F8: variants seen among roughly 807,000 people sequenced by gnomAD.
F8 encodes coagulation factor VIII, also known as antihemophilic factor.
In F8, 12 loss-of-function variants were observed where a neutral mutation model predicts 140.6. The observed-to-expected ratio is 0.09, with a 90% CI of 0.05 to 0.14. The LOEUF (loss-of-function observed/expected upper bound fraction) is 0.14. F8 is among the 10% of genes least tolerant of loss of function. The probability of loss-of-function intolerance (pLI) is 1.00; values close to 1 mark genes in which losing one functional copy is unlikely to be tolerated. For synonymous variants in F8, 585 were observed against 614.6 expected, an observed-to-expected ratio of 0.95 and a Z score of 0.71; for missense variants, 1,354 against 1,720.7, an observed-to-expected ratio of 0.79 and a Z score of 3.77.
intron 22 of F8, among the ~76,000 whole-genome samples, chrX:154,890,680 A>C (rs1398794711): frequency 8.9e-6 from 1 of 112,460 alleles, no homozygotes; most frequent in Non-Finnish European, 1.9e-5. Flanking sequence ...TAATGTGCAC[A>C]TTTGCAGACA....
At chrX:154,858,118 A>C in intron 25 of F8, among the ~76,000 whole-genome samples, 1 of 112,232 alleles carries the variant, frequency 8.9e-6, no homozygotes, top group East Asian at 2.8e-4. Flanking sequence ...CAGCCTGGGC[A>C]ACAGAGCAAG....
At chrX:154,924,255 C>A (rs1449402562) in intron 14 of F8, among the ~76,000 whole-genome samples, 4 of 111,976 alleles carry the variant, frequency 3.6e-5, no homozygotes, top group Non-Finnish European at 5.6e-5. Flanking sequence ...GACTTTGGAA[C>A]TGGGTAACAG....
chrX:154,931,389 T>C lies in F8; in HGVS notation c.2401A>G (p.Ile801Val). Residue 801 changes from isoleucine to valine, a missense_variant, in exon 14 of 26, where the codon ATA becomes GTA. Physicochemically the swap from Ile to Val is conservative, Grantham distance 29. Coordinates refer to ENST00000360256, the MANE Select transcript of F8 (RefSeq NM_000132.4). ...WFAHRTPMPK[I>V]QNVSSSDLLM... Reference sequence around the variant, plus strand: ...AAATCACTAGAGGAGACATTTTGTATTTTAGGCATAGGTGTTCTGTGTGCA... The same window carrying C: ...AAATCACTAGAGGAGACATTTTGTACTTTAGGCATAGGTGTTCTGTGTGCA... The C allele has an allele frequency of 4.1e-6, 5 of 1,211,118 alleles. No individual in the cohort carries two copies. Among genetic ancestry groups the C allele is most frequent in the Non-Finnish European group, 5.6e-6 (5 of 894,820 alleles).
chrX:154,863,939 C>T (rs1383443879), intron 22 of F8, among the ~76,000 whole-genome samples: 3 of 111,283 alleles, frequency 2.7e-5, no homozygotes, highest in Non-Finnish European at 5.7e-5. Flanking sequence ...TAACAGGGCT[C>T]CCAACTGTGG....
Position 154,904,784 on chromosome X carries a change from T to G in F8, c.5586+27A>C, listed in dbSNP as rs2073029174. 8 of 1,181,139 alleles carry G rather than the reference T, an allele frequency of 6.8e-6. No individual in the cohort carries two copies. The Middle Eastern group carries it at 7.0e-4, about 103-fold the overall frequency. ...AGACCATTTCTTTTAAACCAAAAAGTGGTCAGCACAATAGACACCTGCTTA... is the reference window on the plus strand; with the variant it reads ...AGACCATTTCTTTTAAACCAAAAAGGGGTCAGCACAATAGACACCTGCTTA... On this transcript the variant is annotated intron_variant, in intron 16 of 25. Transcript: ENST00000360256.
At chrX:154,941,556 C>T (rs2073264448) in intron 13 of F8, among the ~76,000 whole-genome samples, 1 of 110,994 alleles carries the variant, frequency 9.0e-6, no homozygotes, top group Non-Finnish European at 1.9e-5. Context: ...GACTCCCACA[C>T]AATAATAATG....
chrX:154,966,574 C>T lies in F8; in HGVS notation c.1123G>A (p.Asp375Asn). 8.3e-7 allele frequency: 1 copy of T among 1,211,460 alleles called. No individual in the cohort carries two copies. Among genetic ancestry groups the T allele is most frequent in the Non-Finnish European group, 1.1e-6 (1 of 895,379 alleles). Residue 375 changes from aspartate (D) to asparagine (N), a missense_variant, in exon 8 of 26, where the codon GAT becomes AAT. By Grantham distance (23) the Asp-to-Asn change is conservative. This residue lies in a region of F8 where 252 missense variants were observed against 338.5 expected (regional missense o/e 0.74). Transcript: ENST00000360256. Reference protein sequence around the residue: ...YDDDLTDSEMDVVRFDDDNSP... With the variant: ...YDDDLTDSEMNVVRFDDDNSP... ...TTGTCATCATCAAACCTGACCACAT[C>T]CATTTCAGAATCAGTAAGATCATCA...
At chrX:154,847,690 CT>C (rs1171623439) in intron 25 of F8, among the ~76,000 whole-genome samples, 31 of 101,814 alleles carry the variant, frequency 3.0e-4, no homozygotes, top group African/African-American at 1.0e-3. Flanking sequence ...TTCATCTAAC[CT>C]TTTTTTTCAA....
At chrX:154,845,422 T>C (rs1422134748) in intron 25 of F8, among the ~76,000 whole-genome samples, 1 of 111,844 alleles carries the variant, frequency 8.9e-6, no homozygotes, top group Non-Finnish European at 1.9e-5. Flanking sequence ...CGTCTGGTCC[T>C]GGACTTTTTT....
At chrX:154,843,049 T>C (rs1432036052) in intron 25 of F8, among the ~76,000 whole-genome samples, 1 of 111,727 alleles carries the variant, frequency 9.0e-6, no homozygotes, top group Non-Finnish European at 1.9e-5. Context: ...ATGCGGTGTT[T>C]GGTTTTTTGT....
intron 9 of F8, among the ~76,000 whole-genome samples, chrX:154,961,798 C>T (rs782622206): frequency 2.4e-4 from 27 of 110,760 alleles, no homozygotes; most frequent in Non-Finnish European, 4.9e-4. Flanking sequence ...CCTAATCTGC[C>T]GTTAGACTTT....
chrX:155,013,487 C>T (rs180747601), intron 1 of F8, among the ~76,000 whole-genome samples: 35 of 111,856 alleles, frequency 3.1e-4, no homozygotes, highest in African/African-American at 1.1e-3. Flanking sequence ...TCCATTAAAT[C>T]TCTTTCCTTT....
chrX:154,916,862 T>A (rs782635959), intron 14 of F8, among the ~76,000 whole-genome samples: 31 of 111,374 alleles, frequency 2.8e-4, no homozygotes, highest in African/African-American at 9.7e-4. Flanking sequence ...TTTTTCTATG[T>A]CCTTGAGTTA....
At chrX:154,860,791 C>T (rs1291867453) in intron 24 of F8, among the ~76,000 whole-genome samples, 183 bp from the exon 25 acceptor site, 3 of 111,890 alleles carry the variant, frequency 2.7e-5, no homozygotes, top group African/African-American at 6.5e-5. Flanking sequence ...CTCTGCCTCC[C>T]GAGTTCAACC....
intron 23 of F8, among the ~76,000 whole-genome samples, chrX:154,862,649 T>A (rs1289331422): frequency 2.7e-5 from 3 of 111,942 alleles, no homozygotes; most frequent in Non-Finnish European, 3.8e-5. Context: ...TGGTTTTCTG[T>A]TCCTGCATTA....
At chrX:154,890,215 AC>A (rs1557275070) in intron 22 of F8, among the ~76,000 whole-genome samples, 1 of 103,006 alleles carries the variant, frequency 9.7e-6, no homozygotes, top group Non-Finnish European at 2.0e-5. Flanking sequence ...ACGTGTAAAA[AC>A]TATTCTTAAC....
Position 154,999,559 on chromosome X carries a change from G to A in F8, c.185C>T (p.Ser62Leu). The change falls in exon 2 of 26, where the codon TCA becomes TTA. Residue 62 changes from serine (S) to leucine (L), a missense_variant. Coordinates refer to ENST00000360256, the MANE Select transcript of F8 (RefSeq NM_000132.4). ...AAACAGAGTCTTTTTGTACACGACT[G>A]AGGTGTTGAATGGAAAAGATTTTGG... is the stretch of plus-strand genomic sequence containing the variant. Reference protein sequence around the residue: ...RVPKSFPFNTSVVYKKTLFVE... With the variant: ...RVPKSFPFNTLVVYKKTLFVE... 8.3e-7 allele frequency: 1 copy of A among 1,208,286 alleles called. No individual in the cohort carries two copies. The highest frequency in any genetic ancestry group is 1.1e-6 in the Non-Finnish European group (1 of 892,870).
rs971081864 is a variant in F8, at chrX:154,994,147, T to C, written c.389-999A>G. ...ATATATTTGTGTTCTTTTTCATGTG[T>C]TTAATATAAAGAATTTAATATTTTT... On this transcript the variant is annotated intron_variant, in intron 3 of 25. Coordinates refer to ENST00000360256, the MANE Select transcript of F8 (RefSeq NM_000132.4). 5.3e-5 allele frequency among the ~76,000 whole-genome samples: 6 copies of C among 112,698 alleles called. No homozygotes were observed. In the Admixed American group the frequency reaches 5.6e-4, roughly 11 times the overall value.
chrX:154,994,519 C>T (rs1181674098), intron 3 of F8, among the ~76,000 whole-genome samples: 1 of 112,184 alleles, frequency 8.9e-6, no homozygotes, highest in Admixed American at 9.4e-5. Context: ...ATGGAGTAGT[C>T]CCTTTTTTTC....
Sources: allele counts gnomAD v4.1 joint callset (sites outside exome capture counted in the v4.1 genomes callset), GRCh38; gene constraint gnomAD v4.1.1; regional missense constraint gnomAD v4.1.1; transcripts MANE v1.5; gene names NCBI Gene and HGNC (gene_info 2026-07-23, HGNC 2026-07-21).